RIMS1: variants seen among roughly 807,000 people sequenced by gnomAD.
The protein encoded by RIMS1 is regulating synaptic membrane exocytosis 1, also known as regulating synaptic membrane exocytosis protein 1.
In RIMS1, 83 loss-of-function variants were observed where a neutral mutation model predicts 214.1. That is an observed-to-expected ratio of 0.39 (90% CI 0.32 to 0.47). The LOEUF is 0.47. Ranked by LOEUF, RIMS1 falls within the 20% of genes least tolerant of loss-of-function variation. The probability of loss-of-function intolerance (pLI) is 0.99; values close to 1 mark genes in which losing one functional copy is unlikely to be tolerated. For synonymous variants in RIMS1, 793 were observed against 786.8 expected (o/e 1.01, Z -0.13); for missense variants, 2,050 against 2,161.8 (o/e 0.95, Z 1.03).
chr6:72,333,551 C>A, intron 28 of RIMS1, 49 bp from the exon 29 acceptor site: 1 of 1,350,658 alleles, frequency 7.4e-7, no homozygotes, highest in Non-Finnish European at 1.0e-6. Flanking sequence ...TTCAGTGATG[C>A]TGACCTGTAA....
At chr6:72,280,779 AGATG>A (rs1171595054) in intron 23 of RIMS1, among the ~76,000 whole-genome samples, 1 of 152,118 alleles carries the variant, frequency 6.6e-6, no homozygotes, top group Non-Finnish European at 1.5e-5. Context: ...ATATTTTTAT[AGATG>A]AGTAAGAAAA....
intron 2 of RIMS1, among the ~76,000 whole-genome samples, chr6:72,049,719 A>T (rs1824086970): frequency 6.6e-6 from 1 of 152,212 alleles, no homozygotes; most frequent in Non-Finnish European, 1.5e-5. Context: ...AATATTAAGG[A>T]TAATGTTGAA....
chr6:72,097,517 T>C (rs2032147984), intron 3 of RIMS1, among the ~76,000 whole-genome samples: 1 of 152,352 alleles, frequency 6.6e-6, no homozygotes, highest in South Asian at 2.1e-4. Flanking sequence ...AAAAGTTAAC[T>C]ACTTTTGATT....
intron 1 of RIMS1, among the ~76,000 whole-genome samples, chr6:71,957,871 G>A (rs1791755720): frequency 7.0e-6 from 1 of 141,870 alleles, no homozygotes; most frequent in African/African-American, 3.1e-5. Flanking sequence ...GTTTTTATCT[G>A]TATTTGGATA....
intron 11 of RIMS1, among the ~76,000 whole-genome samples, 193 bp downstream of exon 11, chr6:72,246,054 C>G (rs2069453042): frequency 6.6e-6 from 1 of 151,952 alleles, no homozygotes; most frequent in South Asian, 2.1e-4. Flanking sequence ...TTTTCTTCCT[C>G]TACTTTTTTA....
intron 7 of RIMS1, among the ~76,000 whole-genome samples, chr6:72,234,463 A>G (rs777358493): frequency 3.9e-5 from 6 of 151,936 alleles, no homozygotes; most frequent in Admixed American, 6.6e-5. Flanking sequence ...ATTCCCATAC[A>G]CTTCCTTACT....
intron 29 of RIMS1, among the ~76,000 whole-genome samples, chr6:72,344,879 T>A (rs1459325966): frequency 1.3e-5 from 2 of 151,822 alleles, no homozygotes; most frequent in African/African-American, 4.8e-5. Context: ...TAGATATACT[T>A]TTAGGTTGGC....
chr6:72,348,191 A>G (rs1174842991), intron 29 of RIMS1, among the ~76,000 whole-genome samples: 31 of 151,964 alleles, frequency 2.0e-4, no homozygotes, highest in Admixed American at 2.0e-3. Context: ...TTTAAGTTGT[A>G]ACAAGTACAG....
intron 2 of RIMS1, among the ~76,000 whole-genome samples, chr6:72,070,674 C>T (rs571129100): frequency 3.0e-4 from 46 of 152,288 alleles, no homozygotes; most frequent in Non-Finnish European, 6.3e-4. Context: ...CTCTCCTGAA[C>T]CACTGAACAA....
intron 23 of RIMS1, among the ~76,000 whole-genome samples, chr6:72,280,977 T>A (rs748888463): frequency 6.6e-6 from 1 of 152,122 alleles, no homozygotes; most frequent in African/African-American, 2.4e-5. Flanking sequence ...GGTAGTGGTA[T>A]TATTGCCACT....
Position 71,887,197 on chromosome 6 carries a change from C to A in RIMS1, c.164+10C>A. On this transcript the variant is annotated intron_variant, in intron 1 of 33. Transcript: ENST00000521978. ...AAGAAGCCATGCTCAAGTAAGCCAG[C>A]CCCAGCCGCGCCATCCATGCCTCCG... 1 of 1,598,998 alleles carries A rather than the reference C, an allele frequency of 6.3e-7. No individual in the cohort carries two copies. The highest frequency in any genetic ancestry group is 8.5e-7 in the Non-Finnish European group (1 of 1,173,040).
At chr6:72,053,457 A>G (rs1197918547) in intron 2 of RIMS1, among the ~76,000 whole-genome samples, 1 of 152,164 alleles carries the variant, frequency 6.6e-6, no homozygotes, top group Non-Finnish European at 1.5e-5. Flanking sequence ...GTGGTTTGTT[A>G]CTTTGTAGAC....
intron 22 of RIMS1, among the ~76,000 whole-genome samples, chr6:72,272,045 C>CT (rs2154189357): frequency 6.6e-6 from 1 of 152,142 alleles, no homozygotes; most frequent in South Asian, 2.1e-4. Flanking sequence ...GAATAATTTA[C>CT]TAAGTAACTA....
In RIMS1 at chr6:72,179,847, G is replaced by A. The variant is rs751517177; in HGVS notation, c.744G>A (p.Ser248=). Residue 248 remains serine (S), a synonymous_variant, in exon 5 of 34, where the codon TCG becomes TCA. Transcript: ENST00000521978. ...PPDRSKGAEP[S]QQALGPEQKQ... is the part of the protein sequence containing the mutation. ...ACAGGAGCAAAGGGGCTGAGCCCTC[G>A]CAGCAAGCCTTGGGGCCTGAACAGA... 19 of 1,607,908 alleles carry A rather than the reference G, an allele frequency of 1.2e-5. No homozygotes were observed. In the Admixed American group the frequency reaches 1.3e-4, roughly 11 times the overall value.
intron 1 of RIMS1, among the ~76,000 whole-genome samples, chr6:71,960,853 G>A (rs1235377604): frequency 6.6e-6 from 1 of 152,010 alleles, no homozygotes; most frequent in African/African-American, 2.4e-5. Flanking sequence ...GCCTACCCAA[G>A]AGCGCTTCCT....
intron 4 of RIMS1, among the ~76,000 whole-genome samples, chr6:72,122,097 A>G (rs1267043074): frequency 2.6e-5 from 4 of 151,452 alleles, no homozygotes; most frequent in Non-Finnish European, 4.4e-5. Context: ...TTCATCAGGG[A>G]TATTTGTCTA....
At chr6:71,958,142 T>C (rs74330530) in intron 1 of RIMS1, among the ~76,000 whole-genome samples, 1,936 of 152,258 alleles carry the variant, frequency 0.013, 53 homozygotes, top group African/African-American at 0.044. Flanking sequence ...TTATTATTGC[T>C]ACTATTATTG....
intron 29 of RIMS1, among the ~76,000 whole-genome samples, chr6:72,367,052 A>G (rs1172955273): frequency 6.6e-6 from 1 of 152,256 alleles, no homozygotes; most frequent in Non-Finnish European, 1.5e-5. Flanking sequence ...ATGAAAAAAC[A>G]TAAAAATTAT....
At chr6:71,980,557 C>T (rs752378627) in intron 2 of RIMS1, among the ~76,000 whole-genome samples, 1 of 151,978 alleles carries the variant, frequency 6.6e-6, no homozygotes, top group Non-Finnish European at 1.5e-5. Flanking sequence ...CCTTGAAGTC[C>T]AGCTTTGATA....
Sources: allele counts gnomAD v4.1 joint callset (sites outside exome capture counted in the v4.1 genomes callset), GRCh38; gene constraint gnomAD v4.1.1; transcripts MANE v1.5; gene names NCBI Gene and HGNC (gene_info 2026-07-23, HGNC 2026-07-21).